Variants in AFF2 observed in about 807,000 individuals in gnomAD.
AFF2 encodes AF4/FMR2 family member 2.
Under a neutral mutation model 76.9 loss-of-function variants are expected in AFF2, and 14 were observed. The observed-to-expected ratio is 0.18, with a 90% confidence interval of 0.12 to 0.28. The LOEUF (loss-of-function observed/expected upper bound fraction) is 0.28, where lower values mean the gene tolerates loss of function less well. Among genes scored for constraint, AFF2 ranks in the 10% least tolerant of loss-of-function variants. The pLI, the probability that AFF2 is intolerant of heterozygous loss-of-function variation, is 1.00. For missense variants in AFF2, 868 were observed against 1,001.1 expected (o/e 0.87, Z 1.79); for synonymous variants, 398 against 366.7 (o/e 1.09, Z -0.98).
At chrX:148,751,371 C>T (rs1167567774) in intron 3 of AFF2, among the ~76,000 whole-genome samples, 1 of 112,123 alleles carries the variant, frequency 8.9e-6, no homozygotes, top group African/African-American at 3.2e-5. Flanking sequence ...CTAGATTATT[C>T]CCTCTATGCA....
At chrX:148,835,386 A>G (rs2070508694) in intron 4 of AFF2, among the ~76,000 whole-genome samples, 1 of 111,425 alleles carries the variant, frequency 9.0e-6, no homozygotes, top group Admixed American at 9.6e-5. Context: ...ATTGACAAAA[A>G]TTGTACATAC....
intron 9 of AFF2, among the ~76,000 whole-genome samples, chrX:148,946,580 C>T (rs370200803): frequency 3.5e-5 from 4 of 112,836 alleles, no homozygotes; most frequent in East Asian, 2.8e-4. Flanking sequence ...GGCTGCATTC[C>T]TTTCTGAAGG....
Position 148,958,470 on chromosome X carries a change from C to T in AFF2, c.2690+12C>T, listed in dbSNP as rs782367610. The stretch of plus-strand genomic sequence containing the variant: ...CCCAACACTAGAGAGTGAGTTTGCC[C>T]TGGCCCTGTCTGATGGCTTGGTATG... On this transcript the variant is annotated intron_variant, in intron 12 of 20. Transcript: ENST00000370460. 2 of 1,202,705 alleles carry T rather than the reference C, an allele frequency of 1.7e-6. No homozygotes were observed. Among genetic ancestry groups the T allele is most frequent in the Non-Finnish European group, 2.2e-6 (2 of 890,983 alleles).
intron 1 of AFF2, among the ~76,000 whole-genome samples, chrX:148,624,709 A>G (rs2053904736): frequency 8.9e-6 from 1 of 111,935 alleles, no homozygotes; most frequent in African/African-American, 3.2e-5. Flanking sequence ...AGAAATCACT[A>G]CTGCCCAAAA....
intron 1 of AFF2, among the ~76,000 whole-genome samples, chrX:148,648,265 A>G (rs1557255794): frequency 9.0e-6 from 1 of 111,190 alleles, no homozygotes; most frequent in Non-Finnish European, 1.9e-5. Flanking sequence ...ATCACAGCTA[A>G]TATAAAAATC....
At chrX:148,667,818 C>G (rs781882552) in intron 3 of AFF2, among the ~76,000 whole-genome samples, 1 of 111,581 alleles carries the variant, frequency 9.0e-6, no homozygotes, top group Non-Finnish European at 1.9e-5. Context: ...GGGACACAGC[C>G]AAACCATATT....
At chrX:148,698,379 C>G (rs1224454967) in intron 3 of AFF2, among the ~76,000 whole-genome samples, 1 of 112,221 alleles carries the variant, frequency 8.9e-6, no homozygotes, top group African/African-American at 3.2e-5. Context: ...ATAAAATAGC[C>G]ACAGTGCAAT....
intron 9 of AFF2, among the ~76,000 whole-genome samples, chrX:148,937,893 A>T (rs902253562): frequency 2.8e-4 from 32 of 112,724 alleles, no homozygotes; most frequent in African/African-American, 9.6e-4. Context: ...AAAGTCTGGC[A>T]TTTATTCAAA....
chrX:148,545,720 G>A (rs1209627276), intron 1 of AFF2, among the ~76,000 whole-genome samples: 1 of 109,398 alleles, frequency 9.1e-6, no homozygotes, highest in African/African-American at 3.4e-5. Context: ...CTCCACATCA[G>A]AGTTACCTGG....
chrX:148,839,980 T>G (rs191583356), intron 5 of AFF2, among the ~76,000 whole-genome samples: 9 of 108,198 alleles, frequency 8.3e-5, no homozygotes, highest in African/African-American at 3.0e-4. Flanking sequence ...CTAGGTAAAA[T>G]AGTTGATGAT....
At chrX:148,733,420 TTTCA>T (rs1203855293) in intron 3 of AFF2, among the ~76,000 whole-genome samples, 1 of 111,074 alleles carries the variant, frequency 9.0e-6, no homozygotes, top group Non-Finnish European at 1.9e-5. Context: ...TCATTCATCC[TTTCA>T]TTCATTCATC....
At chrX:148,614,738 T>TTTCCTTTTCTTTCTTTC (rs1158870444) in intron 1 of AFF2, among the ~76,000 whole-genome samples, 2 of 55,286 alleles carry the variant, frequency 3.6e-5, no homozygotes, top group East Asian at 1.0e-3. Flanking sequence ...TCTTTCCTTC[T>TTTCCTTTTCTTTCTTTC]TTTCTTTCTT....
intron 3 of AFF2, among the ~76,000 whole-genome samples, chrX:148,693,968 A>G (rs1345950082): frequency 9.0e-6 from 1 of 111,320 alleles, no homozygotes; most frequent in Non-Finnish European, 1.9e-5. Flanking sequence ...GCACATATAC[A>G]CCATGGAATA....
intron 7 of AFF2, among the ~76,000 whole-genome samples, chrX:148,854,603 G>A (rs909961976): frequency 4.5e-5 from 5 of 111,296 alleles, no homozygotes; most frequent in Non-Finnish European, 7.5e-5. Flanking sequence ...CAGAGCAGCC[G>A]CATGACAGAC....
intron 4 of AFF2, among the ~76,000 whole-genome samples, chrX:148,813,326 T>A (rs2070226367): frequency 8.9e-6 from 1 of 111,848 alleles, no homozygotes; most frequent in Admixed American, 9.5e-5. Flanking sequence ...CAAACTTGCT[T>A]CAGACAGTAG....
At chrX:148,792,770 C>G (rs1480007466) in intron 3 of AFF2, among the ~76,000 whole-genome samples, 3 of 111,577 alleles carry the variant, frequency 2.7e-5, no homozygotes, top group Non-Finnish European at 5.6e-5. Context: ...CCATTGAAAG[C>G]GATCATTTTC....
intron 10 of AFF2, among the ~76,000 whole-genome samples, chrX:148,954,852 C>G (rs1557287034): frequency 8.9e-6 from 1 of 111,975 alleles, no homozygotes; most frequent in Admixed American, 9.5e-5. Context: ...TGGCTGGTAC[C>G]ATAAGCCTCA....
intron 1 of AFF2, among the ~76,000 whole-genome samples, chrX:148,627,110 C>T (rs782077895): frequency 9.0e-6 from 1 of 111,498 alleles, no homozygotes; most frequent in Non-Finnish European, 1.9e-5. Context: ...ACTCCAGAGA[C>T]TGATGTTGGG....
At chrX:148,819,748 C>G (rs1557272418) in intron 4 of AFF2, among the ~76,000 whole-genome samples, 1 of 111,254 alleles carries the variant, frequency 9.0e-6, no homozygotes, top group African/African-American at 3.3e-5. Context: ...AATTCAAGGT[C>G]AAAAAAATTC....
Sources: gnomAD v4.1 joint callset for allele counts (sites outside exome capture counted in the v4.1 genomes callset) on GRCh38, gnomAD v4.1.1 for gene constraint, MANE v1.5 for transcripts, NCBI Gene and HGNC (gene_info 2026-07-23, HGNC 2026-07-21) for gene names.